PACRG: variants seen among roughly 807,000 people sequenced by gnomAD.
PACRG encodes the protein parkin coregulated gene protein.
A neutral mutation model predicts 29.7 loss-of-function variants in PACRG; 29 were observed. The ratio of observed to expected loss-of-function variants is 0.98; its 90% confidence interval spans 0.73 to 1.33. The LOEUF is 1.33. Among genes scored for constraint, PACRG ranks in the 40% most tolerant of loss-of-function variants. PACRG has a pLI of 0.00. For missense variants in PACRG, 279 were observed against 316.2 expected (o/e 0.88, Z 0.89); for synonymous variants, 116 against 118.7 (o/e 0.98, Z 0.15).
At chr6:162,912,798 C>T (rs1361201871) in intron 2 of PACRG, among the ~76,000 whole-genome samples, 1 of 151,718 alleles carries the variant, frequency 6.6e-6, no homozygotes, top group Non-Finnish European at 1.5e-5. Context: ...TCTTGATCTC[C>T]TGACCTCATG....
At chr6:162,919,168 G>C (rs1351890157) in intron 2 of PACRG, among the ~76,000 whole-genome samples, 5 of 152,202 alleles carry the variant, frequency 3.3e-5, no homozygotes, top group African/African-American at 1.2e-4. Context: ...GCATATTTTA[G>C]ACGAAGAACA....
At chr6:163,308,679 A>AG (rs943880170) in intron 4 of PACRG, among the ~76,000 whole-genome samples, 30 of 150,420 alleles carry the variant, frequency 2.0e-4, no homozygotes, top group African/African-American at 3.7e-4. Flanking sequence ...AAAAAAAAAA[A>AG]GGAAAATTTA....
intron 4 of PACRG, among the ~76,000 whole-genome samples, chr6:163,242,372 G>A (rs1282728226): frequency 6.6e-6 from 1 of 152,126 alleles, no homozygotes; most frequent in African/African-American, 2.4e-5. Flanking sequence ...TATCGCATAG[G>A]GCAACATTGA....
At chr6:163,157,173 T>C (rs1382324275) in intron 4 of PACRG, among the ~76,000 whole-genome samples, 2 of 152,204 alleles carry the variant, frequency 1.3e-5, no homozygotes, top group Admixed American at 1.3e-4. Context: ...AAACTTCCTA[T>C]TTGGGCATAA....
intron 1 of PACRG, among the ~76,000 whole-genome samples, chr6:162,731,651 A>G (rs933683936): frequency 2.6e-5 from 4 of 152,286 alleles, no homozygotes; most frequent in African/African-American, 9.6e-5. Context: ...TGAACAAAAA[A>G]CAAAAACAAA....
intron 4 of PACRG, among the ~76,000 whole-genome samples, chr6:163,306,610 G>T (rs1235827928): frequency 6.6e-6 from 1 of 152,160 alleles, no homozygotes; most frequent in Non-Finnish European, 1.5e-5. Flanking sequence ...TTGATGTAGG[G>T]TGTCAACAAA....
At position 163,314,704 on chromosome 6, in the gene PACRG, G is replaced by A. The variant is rs985397785; in HGVS notation, c.614-123G>A. ...ACTGCTTTTAAAACTCCGCAAGATC[G>A]TGTAAAAATCTTGCATGTTTGTGTC... On this transcript the variant is annotated intron_variant, in intron 4 of 4. Coordinates refer to ENST00000366888, the MANE Select transcript of PACRG (RefSeq NM_001080379.2). The A allele has an allele frequency of 1.3e-4, 142 of 1,077,640 alleles. 1 individual carries two copies. The Admixed American group carries it at 2.4e-3, about 18-fold the overall frequency. The allele number at this position is 1,077,640 out of a possible 1,614,324, so 66.8% of individuals were successfully genotyped here. A position where few individuals can be genotyped will look rare whatever the true frequency, so the allele number is the denominator to read the frequency against.
rs529224481 is a variant in PACRG at position 162,728,014 on chromosome 6, G to C, written c.-222G>C. The C allele has an allele frequency of 3.1e-6, 2 of 651,692 alleles. No homozygotes were observed. Among genetic ancestry groups the C allele is most frequent in the Admixed American group, 5.3e-5 (2 of 37,398 alleles). The allele number at this position is 651,692 out of a possible 1,614,324, so 40.4% of individuals were successfully genotyped here. A position where few individuals can be genotyped will look rare whatever the true frequency, so the allele number is the denominator to read the frequency against. On this transcript the variant is annotated 5_prime_UTR_variant, in exon 1 of 5. Coordinates refer to ENST00000366888, the MANE Select transcript of PACRG (RefSeq NM_001080379.2). ...GGCTTACCTTTGGAAGCTTGTTGCAGCTCTAGCCAAGGTCCTGCCCTCTTC... is the reference window on the plus strand; with the variant it reads ...GGCTTACCTTTGGAAGCTTGTTGCACCTCTAGCCAAGGTCCTGCCCTCTTC...
At chr6:162,872,573 A>G (rs1584608270) in intron 2 of PACRG, among the ~76,000 whole-genome samples, 1 of 152,364 alleles carries the variant, frequency 6.6e-6, no homozygotes, top group African/African-American at 2.4e-5. Context: ...ATACATAATT[A>G]GAAAATTAGA....
At chr6:163,299,640 G>C (rs1784912222) in intron 4 of PACRG, among the ~76,000 whole-genome samples, 1 of 152,166 alleles carries the variant, frequency 6.6e-6, no homozygotes, top group Non-Finnish European at 1.5e-5. Flanking sequence ...CAGCACTTTG[G>C]GAAGCCGAGG....
intron 4 of PACRG, among the ~76,000 whole-genome samples, chr6:163,101,615 T>C (rs1815091353): frequency 1.3e-5 from 2 of 152,202 alleles, no homozygotes; most frequent in Admixed American, 6.5e-5. Context: ...GAAGAATTTC[T>C]GTTAGGACCA....
At chr6:163,075,285 A>G (rs1436491384) in intron 3 of PACRG, among the ~76,000 whole-genome samples, 1 of 152,168 alleles carries the variant, frequency 6.6e-6, no homozygotes, top group Non-Finnish European at 1.5e-5. Flanking sequence ...ACAATAGCTC[A>G]AGGCTCACAT....
intron 1 of PACRG, among the ~76,000 whole-genome samples, chr6:162,735,541 T>C (rs1240067916): frequency 6.6e-6 from 1 of 152,210 alleles, no homozygotes; most frequent in Non-Finnish European, 1.5e-5. Flanking sequence ...ATATACTCTT[T>C]ATTGAAGTGT....
rs962864123 is a variant in PACRG, at chr6:163,090,769, G to A, written c.613+1361G>A. ...ATATTTAGATTCTAGTAACTTGAGG[G>A]AGATAGAGATAAAGATGTTCTGCTA... On this transcript the variant is annotated intron_variant, in intron 4 of 4. Coordinates refer to ENST00000366888, the MANE Select transcript of PACRG (RefSeq NM_001080379.2). Among the ~76,000 whole-genome samples the A allele has an allele frequency of 4.6e-5, 7 of 152,264 alleles. No individual in the cohort carries two copies. The East Asian group carries it at 1.4e-3, about 29-fold the overall frequency.
At chr6:163,314,391 G>A (rs1164932775) in intron 4 of PACRG, among the ~76,000 whole-genome samples, 1 of 152,206 alleles carries the variant, frequency 6.6e-6, no homozygotes, top group South Asian at 2.1e-4. Flanking sequence ...CAGCAGAGAT[G>A]CGGGTGGGGG....
At position 162,842,482 on chromosome 6, in the gene PACRG, G is replaced by A. The variant is rs1288303557; in HGVS notation, c.291+28201G>A. ...TCCTCCATCCTTTTATTTTGAGCCTGTGTGTGTCTCTGGACATGAGATGGG... is the reference window on the plus strand; with the variant it reads ...TCCTCCATCCTTTTATTTTGAGCCTATGTGTGTCTCTGGACATGAGATGGG... On this transcript the variant is annotated intron_variant, in intron 2 of 4. Coordinates refer to ENST00000366888, the MANE Select transcript of PACRG (RefSeq NM_001080379.2). 3.3e-5 allele frequency among the ~76,000 whole-genome samples: 5 copies of A among 152,096 alleles called. No homozygotes were observed. The South Asian group carries it at 6.2e-4, about 19-fold the overall frequency.
chr6:162,968,645 G>A (rs1370917999), intron 2 of PACRG, among the ~76,000 whole-genome samples: 2 of 152,156 alleles, frequency 1.3e-5, no homozygotes, highest in Non-Finnish European at 2.9e-5. Context: ...AACCATGTAG[G>A]TGGAAAAAAA....
intron 2 of PACRG, among the ~76,000 whole-genome samples, chr6:162,815,419 G>C (rs1787252370): frequency 6.7e-6 from 1 of 148,692 alleles, no homozygotes; most frequent in Non-Finnish European, 1.5e-5. Context: ...TATGTCTTTT[G>C]AAATATTTTC....
At chr6:163,053,531 A>G (rs888957701) in intron 2 of PACRG, among the ~76,000 whole-genome samples, 7 of 152,228 alleles carry the variant, frequency 4.6e-5, no homozygotes, top group South Asian at 4.1e-4. Flanking sequence ...AAACTACCAA[A>G]AAACTCAGAA....
Sources: gnomAD v4.1 joint callset for allele counts (sites outside exome capture counted in the v4.1 genomes callset) on GRCh38, gnomAD v4.1.1 for gene constraint, MANE v1.5 for transcripts, NCBI Gene and HGNC (gene_info 2026-07-23, HGNC 2026-07-21) for gene names.